Variants in GDA observed in about 807,000 individuals in gnomAD.
GDA encodes guanine deaminase.
In GDA, 18 loss-of-function variants were observed where a neutral mutation model predicts 59.6. That is an observed-to-expected ratio of 0.30 (90% CI 0.21 to 0.45). The LOEUF (loss-of-function observed/expected upper bound fraction) is 0.45, where lower values mean the gene tolerates loss of function less well. Ranked by LOEUF, GDA falls within the 20% of genes least tolerant of loss-of-function variation. The pLI, the probability that GDA is intolerant of heterozygous loss-of-function variation, is 1.00. For missense variants in GDA, 427 were observed against 552.3 expected, an observed-to-expected ratio of 0.77 and a Z score of 2.27; for synonymous variants, 201 against 201.1, an observed-to-expected ratio of 1.00 and a Z score of 0.00.
Position 72,191,273 on chromosome 9 carries a change from T to A in GDA, c.124-4227T>A, listed in dbSNP as rs1021080351. Among the ~76,000 whole-genome samples the A allele has an allele frequency of 2.0e-5, 3 of 152,184 alleles. No homozygotes were observed. In the East Asian group the frequency reaches 5.8e-4, roughly 29 times the overall value. ...CCATCTACTGTGCTGCGTGCCTTGT[T>A]CCAGTACTGCATGGCTACTCAGGTG... On this transcript the variant is annotated intron_variant, in intron 1 of 13. Transcript: ENST00000358399.
chr9:72,233,712 CAGG>C (rs1838630716), intron 10 of GDA, among the ~76,000 whole-genome samples: 1 of 152,130 alleles, frequency 6.6e-6, no homozygotes, highest in Admixed American at 6.6e-5. Context: ...AAGGCCACGG[CAGG>C]AGGATTGCTT....
In GDA at chr9:72,231,538, G is replaced by A. The variant is rs946485039; in HGVS notation, c.988+357G>A. Reference sequence around the variant, plus strand: ...TGAGACTGCGCCACTGCACTTCAGCGTGGGTGACAGAGCGAGACTCTGTCT... The same window carrying A: ...TGAGACTGCGCCACTGCACTTCAGCATGGGTGACAGAGCGAGACTCTGTCT... On this transcript the variant is annotated intron_variant, in intron 10 of 13. Transcript: ENST00000358399. 4.6e-5 allele frequency among the ~76,000 whole-genome samples: 7 copies of A among 151,428 alleles called. No homozygotes were observed. The South Asian group carries it at 6.2e-4, about 14-fold the overall frequency.
chr9:72,138,559 C>T (rs912300102), intron 1 of GDA, among the ~76,000 whole-genome samples: 1 of 152,228 alleles, frequency 6.6e-6, no homozygotes, highest in African/African-American at 2.4e-5. Context: ...ATGCCAGGTA[C>T]TGCATTAAAC....
chr9:72,150,070 A>G (rs1484807505), intron 1 of GDA, among the ~76,000 whole-genome samples: 1 of 152,098 alleles, frequency 6.6e-6, no homozygotes, highest in Admixed American at 6.5e-5. Flanking sequence ...TGCCTGGCAC[A>G]GGAGGCTCTC....
chr9:72,149,519 C>T lies in GDA; in HGVS notation c.-41C>T. On this transcript the variant is annotated 5_prime_UTR_variant, in exon 1 of 14. Coordinates refer to ENST00000358399, the MANE Select transcript of GDA (RefSeq NM_004293.5). ...CCCGCTGCGTCTCCGCCGCGTGCGC[C>T]CTCCTCGACCAGCAGACCCGCGCTG... 6.2e-7 allele frequency: 1 copy of T among 1,602,904 alleles called. No homozygotes were observed.
At position 72,115,717 on chromosome 9, in the gene GDA, G is replaced by A. The variant is rs184582810; in HGVS notation, c.-100+884G>A. ...ACTTAAAAAGTAATACCACAAAAACGTAAAATACAGACAATTATCCTAAGT... is the reference window on the plus strand; with the variant it reads ...ACTTAAAAAGTAATACCACAAAAACATAAAATACAGACAATTATCCTAAGT... On this transcript the variant is annotated intron_variant, in intron 1 of 13. Transcript: ENST00000545168. 2.0e-4 allele frequency among the ~76,000 whole-genome samples: 31 copies of A among 152,180 alleles called. No individual in the cohort carries two copies. In the East Asian group the frequency reaches 2.9e-3, roughly 14 times the overall value.
intron 2 of GDA, among the ~76,000 whole-genome samples, chr9:72,200,595 A>AT (rs34971662): frequency 0.42 from 64,171 of 151,918 alleles, 13,883 homozygotes; most frequent in East Asian, 0.57. Flanking sequence ...TATAGTAGAC[A>AT]TTGGGAAATA....
At chr9:72,228,192 G>A in intron 9 of GDA, 152 bp downstream of exon 9, 1 of 622,270 alleles carries the variant, frequency 1.6e-6, no homozygotes, top group South Asian at 1.9e-5. Context: ...TCGTGCTGTT[G>A]AGGAGTAAAA....
At chr9:72,239,122 C>A (rs960424451) in intron 10 of GDA, among the ~76,000 whole-genome samples, 1 of 152,060 alleles carries the variant, frequency 6.6e-6, no homozygotes, top group African/African-American at 2.4e-5. Context: ...CTAATCCAGT[C>A]GGGAAGAATC....
intron 1 of GDA, among the ~76,000 whole-genome samples, chr9:72,194,603 T>C (rs1193363866): frequency 6.6e-6 from 1 of 152,152 alleles, no homozygotes; most frequent in African/African-American, 2.4e-5. Context: ...CCAGCACTCC[T>C]GCAGCCACCC....
At chr9:72,232,386 GAT>G (rs1838459471) in intron 10 of GDA, among the ~76,000 whole-genome samples, 1 of 152,170 alleles carries the variant, frequency 6.6e-6, no homozygotes, top group African/African-American at 2.4e-5. Context: ...GTATATATTA[GAT>G]TAGAAGTTTT....
Position 72,249,815 on chromosome 9 carries a change from G to A in GDA, c.*1473G>A. The stretch of plus-strand genomic sequence containing the variant: ...TATAGTAGAAACTTTATGTAATATA[G>A]CTAACTCCGTATTTACAGAACAAAA... On this transcript the variant is annotated 3_prime_UTR_variant, in exon 14 of 14. Coordinates refer to ENST00000358399, the MANE Select transcript of GDA (RefSeq NM_004293.5). 2.2e-6 allele frequency: 2 copies of A among 896,432 alleles called. No individual in the cohort carries two copies. Among genetic ancestry groups the A allele is most frequent in the Non-Finnish European group, 2.7e-6 (2 of 748,946 alleles). The allele number at this position is 896,432 out of a possible 1,614,324, so 55.5% of individuals were successfully genotyped here. A position where few individuals can be genotyped will look rare whatever the true frequency, so the allele number is the denominator to read the frequency against.
chr9:72,157,030 C>CTTTT (rs544126638), intron 1 of GDA, among the ~76,000 whole-genome samples: 7 of 104,090 alleles, frequency 6.7e-5, no homozygotes, highest in Non-Finnish European at 9.2e-5. Flanking sequence ...TCTAGACTTC[C>CTTTT]TTTTTTTTTT....
upstream of GDA, chr9:72,149,362 AT>A (rs1826848244): frequency 3.6e-6 from 2 of 558,166 alleles, no homozygotes; most frequent in Non-Finnish European, 6.2e-6. Flanking sequence ...GAAAAATCCT[AT>A]TGGCATTGAG....
intron 1 of GDA, among the ~76,000 whole-genome samples, chr9:72,144,115 G>A (rs946472579): frequency 1.3e-5 from 2 of 152,174 alleles, no homozygotes; most frequent in Non-Finnish European, 2.9e-5. Context: ...TCAGCTACTG[G>A]GAAGGCTGAG....
chr9:72,137,775 C>CT (rs1176498642), intron 1 of GDA, among the ~76,000 whole-genome samples: 1 of 151,992 alleles, frequency 6.6e-6, no homozygotes, highest in African/African-American at 2.4e-5. Flanking sequence ...TAACCCACCC[C>CT]CCCACCTTCA....
intron 1 of GDA, among the ~76,000 whole-genome samples, chr9:72,176,231 G>A (rs780284550): frequency 6.6e-6 from 1 of 152,198 alleles, no homozygotes; most frequent in African/African-American, 2.4e-5. Context: ...TGCCACAAGA[G>A]CTTCTCTCAG....
intron 2 of GDA, among the ~76,000 whole-genome samples, chr9:72,200,466 C>A (rs900455269): frequency 6.6e-6 from 1 of 151,776 alleles, no homozygotes; most frequent in Non-Finnish European, 1.5e-5. Flanking sequence ...CATTTTTCTT[C>A]CTCCTCCTCT....
At chr9:72,198,357 G>A (rs893896074) in intron 2 of GDA, among the ~76,000 whole-genome samples, 5 of 151,896 alleles carry the variant, frequency 3.3e-5, no homozygotes, top group Admixed American at 6.5e-5. Context: ...GGCTAACACG[G>A]TGAAACCCCA....
Sources: gnomAD v4.1 joint callset for allele counts (sites outside exome capture counted in the v4.1 genomes callset) on GRCh38, gnomAD v4.1.1 for gene constraint, MANE v1.5 for transcripts, NCBI Gene and HGNC (gene_info 2026-07-23, HGNC 2026-07-21) for gene names.